Variants in HIRA observed in about 807,000 individuals in gnomAD.
HIRA encodes protein HIRA.
Under a neutral mutation model 126.6 loss-of-function variants are expected in HIRA, and 13 were observed. That is an observed-to-expected ratio of 0.10 (90% confidence interval 0.07 to 0.16). The LOEUF is 0.16. HIRA is among the 10% of genes least tolerant of loss of function. HIRA has a pLI of 1.00. For synonymous variants in HIRA, 511 were observed against 520.0 expected (o/e 0.98, Z 0.24); for missense variants, 834 against 1,314.4 (o/e 0.63, Z 5.65).
rs539940077 is a variant in HIRA at position 19,414,109 on chromosome 22, G to C, written c.38-3331C>G. On this transcript the variant is annotated intron_variant, in intron 1 of 24. Transcript: ENST00000263208. ...ACAAATTAACACACCCTAGACTCTA[G>C]AGACACCAAGCAATCACCTATCCTT... Among the ~76,000 whole-genome samples, 182 of 152,244 alleles carry C rather than the reference G, an allele frequency of 1.2e-3. 1 individual carries two copies. Among genetic ancestry groups the C allele is most frequent in the African/African-American group, 4.3e-3 (178 of 41,538 alleles).
intron 5 of HIRA, among the ~76,000 whole-genome samples, chr22:19,398,824 C>A (rs1185309722): frequency 6.6e-6 from 1 of 152,046 alleles, no homozygotes; most frequent in East Asian, 1.9e-4. Flanking sequence ...AAAAAATTGG[C>A]TGGGCTTGGT....
intron 8 of HIRA, among the ~76,000 whole-genome samples, chr22:19,392,761 T>C (rs1263774296): frequency 6.6e-6 from 1 of 152,220 alleles, no homozygotes; most frequent in Non-Finnish European, 1.5e-5. Flanking sequence ...GTGATCTCCC[T>C]GGGCCAGTGA....
chr22:19,394,256 T>C (rs2089205518), intron 8 of HIRA, 86 bp downstream of exon 8: 3 of 1,442,926 alleles, frequency 2.1e-6, no homozygotes, highest in Non-Finnish European at 2.8e-6. Flanking sequence ...CTTTTAAATA[T>C]TTAAGTATAA....
intron 24 of HIRA, among the ~76,000 whole-genome samples, chr22:19,345,688 T>A (rs1407582897): frequency 6.6e-6 from 1 of 152,254 alleles, no homozygotes; most frequent in Non-Finnish European, 1.5e-5. Flanking sequence ...GAGAATTTAA[T>A]GTTGCTGCTG....
intron 24 of HIRA, 68 bp from the exon 25 acceptor site, chr22:19,331,624 G>A (rs2088487884): frequency 7.0e-7 from 1 of 1,438,402 alleles, no homozygotes; most frequent in African/African-American, 1.4e-5. Flanking sequence ...GGACTTTCCT[G>A]GCCTGGCAGA....
chr22:19,416,648 G>C lies in HIRA; in HGVS notation c.38-5870C>G, dbSNP rs117781992. Among the ~76,000 whole-genome samples the C allele has an allele frequency of 3.7e-3, 566 of 151,992 alleles. 3 individuals carry two copies. The highest frequency in any genetic ancestry group is 6.8e-3 in the Admixed American group (103 of 15,252). Reference sequence around the variant, plus strand: ...ACCACTGCATCTGACCATGAATTTGGCAATAATTTCTTAGATATGAGACTA... The same window carrying C: ...ACCACTGCATCTGACCATGAATTTGCCAATAATTTCTTAGATATGAGACTA... On this transcript the variant is annotated intron_variant, in intron 1 of 24. Coordinates refer to ENST00000263208, the MANE Select transcript of HIRA (RefSeq NM_003325.4).
intron 24 of HIRA, among the ~76,000 whole-genome samples, chr22:19,335,551 T>A (rs2088557819): frequency 6.6e-6 from 1 of 152,172 alleles, no homozygotes; most frequent in African/African-American, 2.4e-5. Context: ...AACGAGAACT[T>A]TTTTACATTT....
intron 21 of HIRA, 40 bp downstream of exon 21, chr22:19,355,720 C>T: frequency 7.0e-7 from 1 of 1,429,782 alleles, no homozygotes; most frequent in African/African-American, 1.4e-5. Context: ...AGCAGACAGA[C>T]ACTCTTCCAG....
At position 19,355,876 on chromosome 22, in the gene HIRA, C is replaced by A; in HGVS notation, c.2456-11G>T. ...CCGTCATATCACTTCCTGAGGACAG[C>A]ATGGGAATGAGTTCTGGGTGTGCTC... On this transcript the variant is annotated splice_polypyrimidine_tract_variant and intron_variant, in intron 20 of 24. Transcript: ENST00000263208. 1.3e-6 allele frequency: 2 copies of A among 1,583,962 alleles called. No individual in the cohort carries two copies. The highest frequency in any genetic ancestry group is 1.7e-6 in the Non-Finnish European group (2 of 1,153,326).
intron 10 of HIRA, 120 bp downstream of exon 10, chr22:19,388,361 GCTA>G (rs1249625615): frequency 2.8e-6 from 2 of 711,436 alleles, no homozygotes; most frequent in African/African-American, 1.8e-5. Context: ...CTTGGTCTGC[GCTA>G]CTATGACACC....
At chr22:19,337,094 T>C (rs2088574887) in intron 24 of HIRA, among the ~76,000 whole-genome samples, 1 of 152,088 alleles carries the variant, frequency 6.6e-6, no homozygotes, top group Non-Finnish European at 1.5e-5. Flanking sequence ...CTTTTTGGCT[T>C]TTTCTTTTTC....
At chr22:19,358,170 T>C (rs2088831304) in intron 18 of HIRA, among the ~76,000 whole-genome samples, 1 of 152,202 alleles carries the variant, frequency 6.6e-6, no homozygotes, top group Non-Finnish European at 1.5e-5. Context: ...TGGCTAATTT[T>C]TGTATTTTTG....
intron 1 of HIRA, among the ~76,000 whole-genome samples, chr22:19,426,951 A>C (rs951752536): frequency 2.6e-5 from 4 of 152,258 alleles, no homozygotes; most frequent in African/African-American, 9.6e-5. Context: ...TTTAGTAAGC[A>C]GCAGGGCACA....
intron 21 of HIRA, 77 bp from the exon 22 acceptor site, chr22:19,354,195 T>C: frequency 1.4e-6 from 2 of 1,463,722 alleles, no homozygotes; most frequent in Non-Finnish European, 1.8e-6. Context: ...CAGAGAAGGC[T>C]GGCAAAGAGG....
At chr22:19,408,660 C>G in intron 2 of HIRA, 67 bp from the exon 3 acceptor site, 5 of 871,406 alleles carry the variant, frequency 5.7e-6, no homozygotes, top group South Asian at 1.4e-5. Flanking sequence ...TATTTAATGT[C>G]AAATTAAATT....
At position 19,388,455 on chromosome 22, in the gene HIRA, C is replaced by T. The variant is rs188937152; in HGVS notation, c.1007+29G>A. 5.9e-4 allele frequency: 919 copies of T among 1,554,674 alleles called. 7 individuals carry two copies. In the African/African-American group the frequency reaches 0.011, roughly 19 times the overall value. On this transcript the variant is annotated intron_variant, in intron 10 of 24. Transcript: ENST00000263208. The stretch of plus-strand genomic sequence containing the variant: ...CAATGTGTGGCTTCTCCTTTCTTAA[C>T]CTATTCCTGTAAGTAGAATCCACCT...
At chr22:19,370,015 T>C (rs992749048) in intron 15 of HIRA, among the ~76,000 whole-genome samples, 41 of 152,326 alleles carry the variant, frequency 2.7e-4, no homozygotes, top group African/African-American at 9.9e-4. Flanking sequence ...ACAAGTCTTG[T>C]TCAGGCTGGA....
intron 15 of HIRA, among the ~76,000 whole-genome samples, chr22:19,372,176 C>T (rs372485064): frequency 1.5e-4 from 23 of 152,294 alleles, no homozygotes; most frequent in African/African-American, 5.5e-4. Flanking sequence ...TCATGTCCTT[C>T]AAGACTTAAG....
At chr22:19,405,913 G>A in intron 4 of HIRA, 33 bp from the exon 5 acceptor site, 2 of 1,390,380 alleles carry the variant, frequency 1.4e-6, no homozygotes, top group Non-Finnish European at 1.9e-6. Context: ...AGGCACTCAT[G>A]GAGTGCTCTG....
Sources: allele counts gnomAD v4.1 joint callset (sites outside exome capture counted in the v4.1 genomes callset), GRCh38; gene constraint gnomAD v4.1.1; transcripts MANE v1.5; gene names NCBI Gene and HGNC (gene_info 2026-07-23, HGNC 2026-07-21).